Variants in ARFGEF2 observed in about 807,000 individuals in gnomAD.
ARFGEF2 encodes the protein brefeldin A-inhibited guanine nucleotide-exchange protein 2.
In ARFGEF2, 74 loss-of-function variants were observed where a neutral mutation model predicts 219.9. That is an observed-to-expected ratio of 0.34 (90% CI 0.28 to 0.41). The LOEUF (loss-of-function observed/expected upper bound fraction) is 0.41. ARFGEF2 is among the 10% of genes least tolerant of loss of function. The pLI is 1.00. For missense variants in ARFGEF2, 1,743 were observed against 2,218.3 expected (o/e 0.79, Z 4.30); for synonymous variants, 733 against 799.2 (o/e 0.92, Z 1.40).
chr20:49,013,687 C>T lies in ARFGEF2; in HGVS notation c.4042C>T (p.Arg1348Ter). ...CATTAATAGATGCAAGTTAGATGTA[C>T]GAACAAGGTAACCATGTTCCCGTGC... ...CIINRCKLDV[R>*]TRGLTVMFEI... Residue 1348 changes from arginine (R) to a stop codon, truncating the protein, a stop_gained, in exon 29 of 39, where the codon CGA becomes TGA. Transcript: ENST00000371917. LOFTEE classifies it high-confidence loss of function. 1 of 1,614,108 alleles carries T rather than the reference C, an allele frequency of 6.2e-7. No homozygotes were observed. Among genetic ancestry groups the T allele is most frequent in the Non-Finnish European group, 8.5e-7 (1 of 1,180,014 alleles).
intron 14 of ARFGEF2, among the ~76,000 whole-genome samples, chr20:48,976,542 C>T (rs2091263061): frequency 6.6e-6 from 1 of 152,162 alleles, no homozygotes; most frequent in Non-Finnish European, 1.5e-5. Flanking sequence ...GGCGCAGTGG[C>T]TCACGCCTGT....
intron 35 of ARFGEF2, among the ~76,000 whole-genome samples, chr20:49,023,538 T>G (rs1265084612): frequency 1.3e-4 from 8 of 59,982 alleles, no homozygotes; most frequent in East Asian, 6.1e-4. Flanking sequence ...TTTTTTTTTG[T>G]TTTTTTTTTT....
At chr20:49,012,261 G>A (rs867502227) in intron 28 of ARFGEF2, among the ~76,000 whole-genome samples, 177 bp downstream of exon 28, 1 of 152,246 alleles carries the variant, frequency 6.6e-6, no homozygotes, top group South Asian at 2.1e-4. Context: ...TTCATTATTT[G>A]GTATATGTGA....
intron 15 of ARFGEF2, 33 bp downstream of exon 15, chr20:48,984,873 G>T (rs1391639326): frequency 6.2e-7 from 1 of 1,612,030 alleles, no homozygotes; most frequent in African/African-American, 1.3e-5. Context: ...TTGCATGTGA[G>T]TTCTGTCAGG....
At chr20:48,970,597 G>A (rs2091220354) in intron 9 of ARFGEF2, among the ~76,000 whole-genome samples, 1 of 151,884 alleles carries the variant, frequency 6.6e-6, no homozygotes, top group Non-Finnish European at 1.5e-5. Context: ...GACAAAAAGA[G>A]CAAAACTCCG....
At chr20:49,013,182 G>A (rs2091511181) in intron 28 of ARFGEF2, among the ~76,000 whole-genome samples, 1 of 152,152 alleles carries the variant, frequency 6.6e-6, no homozygotes, top group Admixed American at 6.5e-5. Flanking sequence ...AATAGTAGCT[G>A]CTGGTATTAT....
At chr20:49,024,541 A>AT (rs928251908) in intron 35 of ARFGEF2, among the ~76,000 whole-genome samples, 11 of 152,184 alleles carry the variant, frequency 7.2e-5, no homozygotes, top group South Asian at 4.1e-4. Flanking sequence ...CAAAATCAAG[A>AT]TTTTTTTTCA....
chr20:48,957,476 T>C (rs1027989614), intron 6 of ARFGEF2, among the ~76,000 whole-genome samples: 1 of 152,040 alleles, frequency 6.6e-6, no homozygotes, highest in Admixed American at 6.6e-5. Context: ...CGGGGCAGAG[T>C]CTGAAACAGA....
intron 34 of ARFGEF2, among the ~76,000 whole-genome samples, chr20:49,020,120 A>T (rs1477697257): frequency 6.6e-6 from 1 of 152,116 alleles, no homozygotes; most frequent in African/African-American, 2.4e-5. Flanking sequence ...TAGAGTGGGG[A>T]TTCAGACACA....
At chr20:48,927,509 C>T (rs145981291) in intron 1 of ARFGEF2, among the ~76,000 whole-genome samples, 92 of 152,004 alleles carry the variant, frequency 6.1e-4, no homozygotes, top group African/African-American at 2.1e-3. Flanking sequence ...GCCAAAATGG[C>T]GAAACCCCAT....
At chr20:49,005,027 A>T (rs1184020648) in intron 25 of ARFGEF2, 43 bp from the exon 26 acceptor site, 2 of 1,613,520 alleles carry the variant, frequency 1.2e-6, no homozygotes, top group Non-Finnish European at 1.7e-6. Context: ...GTCGGTCATT[A>T]TTACACTATA....
chr20:48,930,926 G>A (rs2090909341), intron 1 of ARFGEF2, among the ~76,000 whole-genome samples: 1 of 152,218 alleles, frequency 6.6e-6, no homozygotes, highest in East Asian at 1.9e-4. Context: ...GGTAAGAAGC[G>A]GAGGAAAGAT....
intron 10 of ARFGEF2, 88 bp from the exon 11 acceptor site, chr20:48,972,238 G>T: frequency 1.1e-6 from 1 of 923,898 alleles, no homozygotes; most frequent in South Asian, 1.3e-5. Flanking sequence ...CTTACTGCAC[G>T]ACTGGGTTGG....
intron 25 of ARFGEF2, among the ~76,000 whole-genome samples, chr20:49,002,289 A>G (rs1226277220): frequency 2.0e-5 from 3 of 152,144 alleles, no homozygotes; most frequent in Non-Finnish European, 4.4e-5. Flanking sequence ...CATCTTAACA[A>G]TTTTAAGTGT....
At chr20:48,998,644 C>T in intron 25 of ARFGEF2, 139 bp downstream of exon 25, 3 of 811,090 alleles carry the variant, frequency 3.7e-6, no homozygotes, top group Non-Finnish European at 5.9e-6. Context: ...TCAAGGACAG[C>T]TTGATAGGAG....
chr20:49,028,806 T>G (rs2091617985), intron 37 of ARFGEF2, 138 bp downstream of exon 37: 1 of 876,984 alleles, frequency 1.1e-6, no homozygotes, highest in Non-Finnish European at 1.8e-6. Flanking sequence ...ATTTGGTGAC[T>G]CTCCCATTTC....
At chr20:48,992,106 T>C (rs1269349514) in intron 21 of ARFGEF2, among the ~76,000 whole-genome samples, 2 of 152,104 alleles carry the variant, frequency 1.3e-5, no homozygotes, top group Non-Finnish European at 2.9e-5. Context: ...TTAAAAGAGA[T>C]TTCAGAAAAG....
intron 1 of ARFGEF2, among the ~76,000 whole-genome samples, chr20:48,930,243 A>G (rs1324808862): frequency 2.6e-5 from 4 of 152,256 alleles, no homozygotes; most frequent in Non-Finnish European, 4.4e-5. Context: ...ACACTCATGC[A>G]GTAACGTATT....
chr20:48,937,804 C>A (rs1274969685), intron 1 of ARFGEF2, among the ~76,000 whole-genome samples: 1 of 152,132 alleles, frequency 6.6e-6, no homozygotes, highest in Admixed American at 6.5e-5. Flanking sequence ...TTGCTCATTC[C>A]CATTCCAAAA....
Sources: allele counts gnomAD v4.1 joint callset (sites outside exome capture counted in the v4.1 genomes callset), GRCh38; gene constraint gnomAD v4.1.1; transcripts MANE v1.5; gene names NCBI Gene and HGNC (gene_info 2026-07-23, HGNC 2026-07-21).